The following KIAA0040 variants were observed in gnomAD, a reference collection of about 807,000 sequenced individuals.
KIAA0040 encodes KIAA0040, also known as uncharacterized protein KIAA0040.
A neutral mutation model predicts 7.2 loss-of-function variants in KIAA0040; 10 were observed. The observed-to-expected ratio is 1.38, with a 90% CI of 0.85 to 2.34. The LOEUF (loss-of-function observed/expected upper bound fraction) is 2.34, where lower values mean the gene tolerates loss of function less well. Among genes scored for constraint, KIAA0040 ranks in the 30% most tolerant of loss-of-function variants. The pLI is 0.00. For synonymous variants in KIAA0040, 49 were observed against 40.1 expected, an observed-to-expected ratio of 1.22 and a Z score of -0.84; for missense variants, 89 against 108.2, an observed-to-expected ratio of 0.82 and a Z score of 0.79.
intron 1 of KIAA0040, among the ~76,000 whole-genome samples, chr1:175,188,037 A>C (rs1677729810): frequency 6.6e-6 from 1 of 152,238 alleles, no homozygotes; most frequent in African/African-American, 2.4e-5. Context: ...GCATGTCTGC[A>C]GTGGCTTCTA....
At chr1:175,170,714 T>C (rs1427608986) in intron 2 of KIAA0040, among the ~76,000 whole-genome samples, 2 of 152,136 alleles carry the variant, frequency 1.3e-5, no homozygotes, top group African/African-American at 2.4e-5. Flanking sequence ...ACCATTTCCA[T>C]GGCCAGGCCT....
At chr1:175,181,907 T>G (rs1034314162) in intron 1 of KIAA0040, among the ~76,000 whole-genome samples, 7 of 152,340 alleles carry the variant, frequency 4.6e-5, no homozygotes, top group African/African-American at 1.4e-4. Context: ...AACTCAGCTC[T>G]AGAGGCCTCC....
chr1:175,171,458 T>C (rs778620465), intron 2 of KIAA0040, among the ~76,000 whole-genome samples: 47 of 152,192 alleles, frequency 3.1e-4, no homozygotes, highest in Non-Finnish European at 6.0e-4. Flanking sequence ...AAATGAGATC[T>C]TGAATAATCA....
At chr1:175,183,933 T>C (rs4140637) in intron 1 of KIAA0040, among the ~76,000 whole-genome samples, 145,650 of 152,258 alleles carry the variant, frequency 0.96, 69,686 homozygotes, top group East Asian at 0.99. Flanking sequence ...CAGGTACACA[T>C]AGAAGAGCTT....
intron 2 of KIAA0040, among the ~76,000 whole-genome samples, chr1:175,175,670 T>C (rs1170110087): frequency 1.3e-5 from 2 of 152,188 alleles, no homozygotes; most frequent in African/African-American, 4.8e-5. Context: ...ATGTGGCACA[T>C]ATATACCATG....
intron 2 of KIAA0040, among the ~76,000 whole-genome samples, chr1:175,167,828 T>A (rs1269453876): frequency 3.9e-5 from 6 of 152,090 alleles, no homozygotes; most frequent in Admixed American, 3.9e-4. Context: ...TGTGCCCAAC[T>A]TTCCTTCTTC....
intron 2 of KIAA0040, among the ~76,000 whole-genome samples, chr1:175,167,873 A>T (rs944629626): frequency 6.6e-6 from 1 of 151,784 alleles, no homozygotes; most frequent in Non-Finnish European, 1.5e-5. Flanking sequence ...CTCAGTCTGG[A>T]ATGTATATGT....
intron 1 of KIAA0040, among the ~76,000 whole-genome samples, chr1:175,178,120 G>A (rs1451452381): frequency 2.6e-5 from 4 of 152,172 alleles, no homozygotes; most frequent in Non-Finnish European, 5.9e-5. Context: ...CTACAACCAG[G>A]CCAGCCCCTT....
chr1:175,192,446 G>C (rs1419774734), intron 1 of KIAA0040, among the ~76,000 whole-genome samples, 194 bp downstream of exon 1: 1 of 152,128 alleles, frequency 6.6e-6, no homozygotes, highest in Admixed American at 6.5e-5. Flanking sequence ...AGACTCCTGA[G>C]AGTCCTCGCG....
chr1:175,181,761 G>A (rs1677447395), intron 1 of KIAA0040, among the ~76,000 whole-genome samples: 1 of 152,208 alleles, frequency 6.6e-6, no homozygotes, highest in Non-Finnish European at 1.5e-5. Flanking sequence ...TTCGATGAGG[G>A]TGTGATTTGA....
chr1:175,189,304 A>G (rs1310029169), intron 1 of KIAA0040, among the ~76,000 whole-genome samples: 1 of 152,218 alleles, frequency 6.6e-6, no homozygotes, highest in Non-Finnish European at 1.5e-5. Flanking sequence ...ATTCAGGGCC[A>G]TTGGATTAAA....
chr1:175,191,365 T>C (rs1677858193), intron 1 of KIAA0040, among the ~76,000 whole-genome samples: 2 of 152,234 alleles, frequency 1.3e-5, no homozygotes, highest in African/African-American at 4.8e-5. Context: ...ATATTGACAA[T>C]GCATGGAGGC....
At chr1:175,178,345 G>A (rs1014657121) in intron 1 of KIAA0040, among the ~76,000 whole-genome samples, 1 of 152,212 alleles carries the variant, frequency 6.6e-6, no homozygotes, top group African/African-American at 2.4e-5. Context: ...CCTTTTCTTG[G>A]CCTCTGGGGC....
intron 1 of KIAA0040, among the ~76,000 whole-genome samples, chr1:175,186,190 TA>T (rs1343198689): frequency 6.6e-6 from 1 of 152,242 alleles, no homozygotes; most frequent in Non-Finnish European, 1.5e-5. Flanking sequence ...TTATGTAACA[TA>T]AATTTCACCT....
intron 1 of KIAA0040, among the ~76,000 whole-genome samples, chr1:175,184,105 G>A (rs908798260): frequency 6.6e-6 from 1 of 152,216 alleles, no homozygotes; most frequent in East Asian, 1.9e-4. Context: ...CACCCTGACA[G>A]TGCCTGGGAG....
Position 175,169,391 on chromosome 1 carries a change from C to T in KIAA0040, c.-309-2654G>A, listed in dbSNP as rs558510279. On this transcript the variant is annotated intron_variant, in intron 2 of 3. Transcript: ENST00000423313. ...TGGGCAGGTTAACCTCTCTCTCTGG[C>T]GCTCTGTTTTCTCATTTGTAGAATG... 5.3e-5 allele frequency among the ~76,000 whole-genome samples: 8 copies of T among 152,124 alleles called. No homozygotes were observed. The East Asian group carries it at 9.6e-4, about 18-fold the overall frequency.
chr1:175,187,567 C>T (rs1677710178), intron 1 of KIAA0040, among the ~76,000 whole-genome samples: 2 of 152,164 alleles, frequency 1.3e-5, no homozygotes, highest in African/African-American at 2.4e-5. Context: ...ACAAGAAGCT[C>T]TTGACTCAGA....
At chr1:175,182,541 G>A (rs1185067895) in intron 1 of KIAA0040, among the ~76,000 whole-genome samples, 1 of 152,172 alleles carries the variant, frequency 6.6e-6, no homozygotes, top group African/African-American at 2.4e-5. Flanking sequence ...GTGGTCAGAG[G>A]CTGCACAGTG....
At chr1:175,168,093 C>T (rs1463956034) in intron 2 of KIAA0040, among the ~76,000 whole-genome samples, 1 of 152,176 alleles carries the variant, frequency 6.6e-6, no homozygotes, top group African/African-American at 2.4e-5. Context: ...CCAAGGCTCT[C>T]TGGCAGCGAG....
Sources: gnomAD v4.1 joint callset for allele counts (sites outside exome capture counted in the v4.1 genomes callset) on GRCh38, gnomAD v4.1.1 for gene constraint, MANE v1.5 for transcripts, NCBI Gene and HGNC (gene_info 2026-07-23, HGNC 2026-07-21) for gene names.